The following SORBS2 variants were observed in gnomAD, a reference collection of about 807,000 sequenced individuals.
SORBS2 encodes the protein sorbin and SH3 domain-containing protein 2.
Under a neutral mutation model 97.7 loss-of-function variants are expected in SORBS2, and 46 were observed. The ratio of observed to expected loss-of-function variants is 0.47; its 90% confidence interval spans 0.37 to 0.60. The LOEUF is 0.60. SORBS2 is among the 20% of genes least tolerant of loss of function. The pLI, the probability that SORBS2 is intolerant of heterozygous loss-of-function variation, is 0.00. For missense variants in SORBS2, 1,316 were observed against 1,282.3 expected (o/e 1.03, Z -0.40); for synonymous variants, 476 against 473.4 (o/e 1.01, Z -0.07).
rs2098314595 is a variant in SORBS2, at chr4:185,704,618, C to CTT, written c.-197-25797_-197-25796insAA. ...ACAGGCGTGAGCCACCGCACCTGGCCCATTCATTCATTATTCAATTCATTA... is the reference window on the plus strand; with the variant it reads ...ACAGGCGTGAGCCACCGCACCTGGCCTTCATTCATTCATTATTCAATTCATTA... On this transcript the variant is annotated intron_variant, in intron 2 of 20. Coordinates refer to the SORBS2 transcript ENST00000284776. 9.2e-5 allele frequency among the ~76,000 whole-genome samples: 14 copies of CTT among 151,912 alleles called. No homozygotes were observed. In the South Asian group the frequency reaches 2.7e-3, roughly 29 times the overall value.
rs930254918 is a variant in SORBS2, at chr4:185,607,030, G to A, written c.2796+4750C>T. ...CTGGGCTGCAGCCGAGGCCACACCC[G>A]CGTGAGTGGAAGGTGATTCGGCAGG... is the stretch of plus-strand genomic sequence containing the variant. On this transcript the variant is annotated intron_variant, in intron 12 of 14. Coordinates refer to ENST00000418609, the Ensembl canonical transcript of SORBS2. This position sits in a 1 kb window ranked among gnomAD's most constrained non-coding sequence, Gnocchi z 5.2. 3.9e-5 allele frequency: 40 copies of A among 1,020,250 alleles called. No homozygotes were observed. The Middle Eastern group carries it at 1.3e-3, about 34-fold the overall frequency. The allele number at this position is 1,020,250 out of a possible 1,614,324, so 63.2% of individuals were successfully genotyped here.
At chr4:185,813,578 C>T (rs1011895670) in intron 1 of SORBS2, among the ~76,000 whole-genome samples, 1 of 152,216 alleles carries the variant, frequency 6.6e-6, no homozygotes, top group African/African-American at 2.4e-5. Context: ...CCTCAGCCTC[C>T]CATTCTACTA....
intron 2 of SORBS2, among the ~76,000 whole-genome samples, chr4:185,748,240 T>G (rs1248548516): frequency 2.6e-5 from 4 of 152,158 alleles, no homozygotes; most frequent in African/African-American, 9.7e-5. Flanking sequence ...TGGGCTTTCA[T>G]GAAGTAAGTT....
Position 185,662,166 on chromosome 4 carries a change from G to C in SORBS2, c.32C>G (p.Ser11Trp), listed in dbSNP as rs147082201. 4 of 1,614,126 alleles carry C rather than the reference G, an allele frequency of 2.5e-6. No individual in the cohort carries two copies. In the Admixed American group the frequency reaches 6.7e-5, roughly 27 times the overall value. The change falls in exon 5 of 21, where the codon TCG becomes TGG. Residue 11 changes from serine (S) to tryptophan (W), a missense_variant. Coordinates refer to the SORBS2 transcript ENST00000284776. ...GAGTGAGGCTGGGAGAGAATATGCC[G>C]AGGGGGAAAACGGCCTCTGATAGTA... is the stretch of plus-strand genomic sequence containing the variant.
chr4:185,763,325 T>C (rs950974285), intron 2 of SORBS2, among the ~76,000 whole-genome samples: 2 of 152,204 alleles, frequency 1.3e-5, no homozygotes, highest in African/African-American at 2.4e-5. Flanking sequence ...ATGATTCCTA[T>C]GGGCAAGGAC....
intron 7 of SORBS2, among the ~76,000 whole-genome samples, chr4:185,621,084 G>A (rs2096712847): frequency 6.6e-6 from 1 of 152,072 alleles, no homozygotes; most frequent in African/African-American, 2.4e-5. Context: ...GTCAATATTT[G>A]TCAATTCTTT....
intron 1 of SORBS2, among the ~76,000 whole-genome samples, chr4:185,923,810 A>G (rs2099262187): frequency 6.6e-6 from 1 of 152,174 alleles, no homozygotes; most frequent in Admixed American, 6.5e-5. Context: ...AACTTCTTAC[A>G]TTTAAAAAAA....
At chr4:185,909,071 C>T (rs2099253359) in intron 1 of SORBS2, among the ~76,000 whole-genome samples, 1 of 152,152 alleles carries the variant, frequency 6.6e-6, no homozygotes, top group Non-Finnish European at 1.5e-5. Flanking sequence ...GAAAAGAAGT[C>T]GTTATATCAA....
intron 2 of SORBS2, among the ~76,000 whole-genome samples, chr4:185,725,910 A>G (rs539358481): frequency 1.3e-5 from 2 of 152,230 alleles, no homozygotes; most frequent in Admixed American, 6.5e-5. Context: ...ATTTTCAAGA[A>G]TTTATTTTCC....
At chr4:185,857,328 T>A (rs992634194) in intron 1 of SORBS2, among the ~76,000 whole-genome samples, 3 of 152,232 alleles carry the variant, frequency 2.0e-5, no homozygotes, top group African/African-American at 7.2e-5. Context: ...AATACTCTTA[T>A]AATTTCTTAT....
intron 2 of SORBS2, among the ~76,000 whole-genome samples, chr4:185,724,877 C>G (rs985325709): frequency 6.6e-5 from 10 of 152,154 alleles, no homozygotes; most frequent in Non-Finnish European, 4.4e-5. Context: ...AAAACACTTT[C>G]CTTGAGCAAT....
chr4:185,909,985 GAAA>G (rs142443290), intron 1 of SORBS2, among the ~76,000 whole-genome samples: 65 of 112,642 alleles, frequency 5.8e-4, no homozygotes, highest in East Asian at 1.8e-3. Flanking sequence ...CTCCATCTCA[GAAA>G]AAAAAAAAAA....
At position 185,932,002 on chromosome 4, in the gene SORBS2, C is replaced by CTCTA. The variant is rs1233098098; in HGVS notation, c.-338+24193_-338+24194insTAGA. Reference sequence around the variant, plus strand: ...TGTCTCTCTCTCTCTCTCTCTCTCTCTATATATATATATATAGATAGATAT... The same window carrying CTCTA: ...TGTCTCTCTCTCTCTCTCTCTCTCTCTCTATATATATATATATATAGATAGATAT... On this transcript the variant is annotated intron_variant, in intron 1 of 20. Transcript: ENST00000284776. Among the ~76,000 whole-genome samples the CTCTA allele has an allele frequency of 2.7e-3, 398 of 148,640 alleles. 1 individual carries two copies. Among genetic ancestry groups the CTCTA allele is most frequent in the African/African-American group, 9.4e-3 (382 of 40,758 alleles).
intron 2 of SORBS2, among the ~76,000 whole-genome samples, chr4:185,755,620 T>C (rs7677532): frequency 0.32 from 48,428 of 152,014 alleles, 8,107 homozygotes; most frequent in African/African-American, 0.4. Context: ...CTCATAGAGG[T>C]TGGAAGTAGC....
intron 1 of SORBS2, among the ~76,000 whole-genome samples, chr4:185,855,702 C>A (rs2099220312): frequency 6.6e-6 from 1 of 152,142 alleles, no homozygotes. Context: ...TGTGTCTGTA[C>A]CCTCATAAGA....
At chr4:185,868,159 C>CTTTTTTTTTTTTTTTTTTTTTTTCTTTTT (rs112680775) in intron 1 of SORBS2, among the ~76,000 whole-genome samples, 1 of 105,222 alleles carries the variant, frequency 9.5e-6, no homozygotes, top group African/African-American at 3.9e-5. Flanking sequence ...TTTTTTCTTT[C>CTTTTTTTTTTTTTTTTTTTTTTTCTTTTT]TTTTTTTTTT....
chr4:185,791,869 G>A (rs374011826), intron 1 of SORBS2, among the ~76,000 whole-genome samples: 1 of 152,050 alleles, frequency 6.6e-6, no homozygotes, highest in Non-Finnish European at 1.5e-5. Flanking sequence ...ACTGTATTTG[G>A]TTCCAAAGTA....
upstream of SORBS2, among the ~76,000 whole-genome samples, chr4:185,661,230 C>G (rs1488429329): frequency 6.6e-6 from 1 of 151,052 alleles, no homozygotes; most frequent in African/African-American, 2.4e-5. Context: ...GAGCCGAGAT[C>G]GCCCCATTGC....
chr4:185,589,645 T>C lies in SORBS2; in HGVS notation c.2953+34A>G, dbSNP rs1405712691. ...GAGCAAACTCAAGCAAATTACAAAA[T>C]AGCCGAAGGTGCCTGAGGAAGAAGC... is the stretch of plus-strand genomic sequence containing the variant. On this transcript the variant is annotated intron_variant, in intron 14 of 14. Coordinates refer to ENST00000418609, the Ensembl canonical transcript of SORBS2. 6.2e-6 allele frequency: 8 copies of C among 1,299,796 alleles called. No individual in the cohort carries two copies. The South Asian group carries it at 7.1e-5, about 11-fold the overall frequency. 80.5% of individuals were successfully genotyped at this position (1,299,796 alleles called of 1,614,324 possible).
Sources: allele counts gnomAD v4.1 joint callset (sites outside exome capture counted in the v4.1 genomes callset), GRCh38; gene constraint gnomAD v4.1.1; non-coding constraint Gnocchi (gnomAD v3.1); transcripts MANE v1.5; gene names NCBI Gene and HGNC (gene_info 2026-07-23, HGNC 2026-07-21).